Variants in DGKB observed in about 807,000 individuals in gnomAD.
DGKB encodes the protein diacylglycerol kinase beta, also known as 90 kDa diacylglycerol kinase.
DGKB carries 67 observed loss-of-function variants against 114.3 expected under a neutral mutation model. The observed-to-expected ratio is 0.59, with a 90% confidence interval of 0.48 to 0.72. The LOEUF (loss-of-function observed/expected upper bound fraction) is 0.72, where lower values mean the gene tolerates loss of function less well. DGKB is among the 30% of genes least tolerant of loss of function. The pLI, the probability that DGKB is intolerant of heterozygous loss-of-function variation, is 0.00. For missense variants in DGKB, 907 were observed against 975.2 expected (o/e 0.93, Z 0.93); for synonymous variants, 398 against 323.1 (o/e 1.23, Z -2.49).
chr7:14,774,644 T>C (rs1001117616), intron 2 of DGKB, among the ~76,000 whole-genome samples: 6 of 152,198 alleles, frequency 3.9e-5, no homozygotes, highest in Non-Finnish European at 7.4e-5. Context: ...AGAATATATA[T>C]AGTCATATGC....
chr7:14,277,793 G>A (rs996381840), intron 23 of DGKB, among the ~76,000 whole-genome samples: 1 of 152,158 alleles, frequency 6.6e-6, no homozygotes, highest in Non-Finnish European at 1.5e-5. Flanking sequence ...CCCGAGGTAG[G>A]ATTGCTGGAT....
intron 1 of DGKB, among the ~76,000 whole-genome samples, chr7:14,920,283 T>C (rs749582805): frequency 6.6e-5 from 10 of 152,112 alleles, no homozygotes; most frequent in Non-Finnish European, 1.5e-4. Context: ...AGTAAAAATA[T>C]ACAACGAATT....
intron 23 of DGKB, among the ~76,000 whole-genome samples, chr7:14,205,995 A>G (rs958158791): frequency 3.9e-5 from 6 of 152,102 alleles, no homozygotes; most frequent in African/African-American, 4.8e-5. Context: ...CATTTCTGGT[A>G]TACAATACCA....
At chr7:14,819,316 G>A (rs951467310) in intron 2 of DGKB, among the ~76,000 whole-genome samples, 2 of 152,102 alleles carry the variant, frequency 1.3e-5, no homozygotes, top group Non-Finnish European at 1.5e-5. Flanking sequence ...GCTGGGTGTG[G>A]TGGCTCACGA....
At chr7:14,745,037 A>G (rs1449812830) in intron 4 of DGKB, among the ~76,000 whole-genome samples, 1 of 152,198 alleles carries the variant, frequency 6.6e-6, no homozygotes, top group African/African-American at 2.4e-5. Context: ...TTCCTCTGGG[A>G]AAATAAGACC....
intron 23 of DGKB, among the ~76,000 whole-genome samples, chr7:14,291,634 G>A (rs1801784579): frequency 6.6e-6 from 1 of 152,004 alleles, no homozygotes; most frequent in South Asian, 2.1e-4. Context: ...TTGTTTTGAT[G>A]GGAAAATTTT....
At chr7:14,954,396 A>T (rs78607133) in intron 1 of DGKB, among the ~76,000 whole-genome samples, 41 of 152,202 alleles carry the variant, frequency 2.7e-4, no homozygotes, top group Middle Eastern at 3.4e-3. Flanking sequence ...AAAGAAAAAA[A>T]GCAAAATCAT....
At chr7:14,640,186 C>T (rs181261990) in intron 13 of DGKB, among the ~76,000 whole-genome samples, 68 of 152,198 alleles carry the variant, frequency 4.5e-4, no homozygotes, top group African/African-American at 1.6e-3. Context: ...CTGGATTATA[C>T]CTTGTCTGGG....
At chr7:14,160,148 A>T (rs1434669737) in intron 25 of DGKB, among the ~76,000 whole-genome samples, 1 of 152,180 alleles carries the variant, frequency 6.6e-6, no homozygotes, top group Non-Finnish European at 1.5e-5. Flanking sequence ...GCTATTTATG[A>T]CAAACCCACA....
At chr7:14,609,844 T>C (rs1222477524) in intron 16 of DGKB, among the ~76,000 whole-genome samples, 5 of 152,076 alleles carry the variant, frequency 3.3e-5, no homozygotes, top group Non-Finnish European at 7.4e-5. Flanking sequence ...CCAATCAGAA[T>C]GGCTATTATT....
intron 13 of DGKB, among the ~76,000 whole-genome samples, chr7:14,664,622 A>G (rs535807829): frequency 1.1e-4 from 17 of 152,174 alleles, no homozygotes; most frequent in African/African-American, 3.8e-4. Context: ...GACTATTTAT[A>G]TAAACATCAC....
intron 23 of DGKB, among the ~76,000 whole-genome samples, chr7:14,234,079 T>C (rs1792367728): frequency 6.6e-6 from 1 of 152,112 alleles, no homozygotes. Context: ...TACAAACCTC[T>C]GGCTATGAGT....
At position 14,380,293 on chromosome 7, in the gene DGKB, T is replaced by C. The variant is rs552479514; in HGVS notation, c.1836-34902A>G. Among the ~76,000 whole-genome samples the C allele has an allele frequency of 6.1e-4, 92 of 151,942 alleles. 1 individual carries two copies. The highest frequency in any genetic ancestry group is 2.1e-3 in the African/African-American group (89 of 41,518). ...AACAATGGCAGCATGTTTTTAATTATGCCTAATTGAAAAAGGAATAAAATC... is the reference window on the plus strand; with the variant it reads ...AACAATGGCAGCATGTTTTTAATTACGCCTAATTGAAAAAGGAATAAAATC... On this transcript the variant is annotated intron_variant, in intron 21 of 25. Coordinates refer to ENST00000402815, the MANE Select transcript of DGKB (RefSeq NM_001350709.2).
At position 14,626,448 on chromosome 7, in the gene DGKB, C is replaced by A. The variant is rs1808605724; in HGVS notation, c.1167+3788G>T. ...GATTTAGTCCTTTCTGCCACTGGAG[C>A]TAGGCCACATGAATTTTCCAGAAAC... On this transcript the variant is annotated intron_variant, in intron 14 of 25. Coordinates refer to ENST00000402815, the MANE Select transcript of DGKB (RefSeq NM_001350709.2). 2.0e-5 allele frequency among the ~76,000 whole-genome samples: 3 copies of A among 152,282 alleles called. No homozygotes were observed. The South Asian group carries it at 6.2e-4, about 32-fold the overall frequency.
At chr7:14,949,761 AC>A (rs1308137526) in intron 1 of DGKB, among the ~76,000 whole-genome samples, 2 of 152,188 alleles carry the variant, frequency 1.3e-5, no homozygotes, top group South Asian at 4.1e-4. Context: ...ACCATGGAAT[AC>A]TATGCAGCCA....
At chr7:14,482,910 T>C (rs1584290075) in intron 20 of DGKB, among the ~76,000 whole-genome samples, 1 of 41,376 alleles carries the variant, frequency 2.4e-5, no homozygotes, top group South Asian at 9.8e-4. Flanking sequence ...GCTGGGTTGA[T>C]TAAATAGAGC....
At chr7:14,153,996 G>A (rs138075769) in intron 25 of DGKB, among the ~76,000 whole-genome samples, 39 of 151,834 alleles carry the variant, frequency 2.6e-4, no homozygotes, top group African/African-American at 8.9e-4. Flanking sequence ...ACGTATTTGG[G>A]GTGTTTTCTA....
rs1482303623 is a variant in DGKB at position 14,259,401 on chromosome 7, CTCTCTCTATATATATA to C, written c.2122+79098_2122+79113del. ...AGTTTCTCTCTCTCTCTCTCTCTCT[CTCTCTCTATATATATA>C]TATATATATATGGTTTTGTTTTGTT... On this transcript the variant is annotated intron_variant, in intron 23 of 25. Transcript: ENST00000402815. Among the ~76,000 whole-genome samples, 4 of 102,760 alleles carry C rather than the reference CTCTCTCTATATATATA, an allele frequency of 3.9e-5. No individual in the cohort carries two copies. In the East Asian group the frequency reaches 6.5e-4, roughly 17 times the overall value. 67.4% of individuals were successfully genotyped at this position (102,760 alleles called of 152,430 possible).
At chr7:14,365,961 A>C (rs950857313) in intron 21 of DGKB, among the ~76,000 whole-genome samples, 1 of 152,096 alleles carries the variant, frequency 6.6e-6, no homozygotes, top group Non-Finnish European at 1.5e-5. Flanking sequence ...ATATAAACAC[A>C]TGATATATAT....
Sources: allele counts gnomAD v4.1 joint callset (sites outside exome capture counted in the v4.1 genomes callset), GRCh38; gene constraint gnomAD v4.1.1; transcripts MANE v1.5; gene names NCBI Gene and HGNC (gene_info 2026-07-23, HGNC 2026-07-21).